RBFOX3: variants seen among roughly 807,000 people sequenced by gnomAD.
The protein encoded by RBFOX3 is RNA binding fox-1 homolog 3.
A neutral mutation model predicts 48.7 loss-of-function variants in RBFOX3; 17 were observed. That is an observed-to-expected ratio of 0.35 (90% CI 0.24 to 0.52). The LOEUF (loss-of-function observed/expected upper bound fraction) is 0.52, where lower values mean the gene tolerates loss of function less well. Among genes scored for constraint, RBFOX3 ranks in the 20% least tolerant of loss-of-function variants. The pLI is 0.94. For missense variants in RBFOX3, 382 were observed against 497.5 expected (o/e 0.77, Z 2.21); for synonymous variants, 212 against 209.5 (o/e 1.01, Z -0.10).
In RBFOX3 at chr17:79,242,022, G is replaced by A. The variant is rs1162416553; in HGVS notation, c.-73-6217C>T. Among the ~76,000 whole-genome samples, 3 of 152,238 alleles carry A rather than the reference G, an allele frequency of 2.0e-5. No individual in the cohort carries two copies. Among genetic ancestry groups the A allele is most frequent in the African/African-American group, 4.8e-5 (2 of 41,458 alleles). On this transcript the variant is annotated intron_variant, in intron 3 of 14. Transcript: ENST00000693108. This position sits in a 1 kb window ranked among gnomAD's most constrained non-coding sequence, Gnocchi z 5.8. Reference sequence around the variant, plus strand: ...TTAGTGCAGCACACACAGCTTCCACGTATTCACTCGATTCTTTGCTTTCTT... The same window carrying A: ...TTAGTGCAGCACACACAGCTTCCACATATTCACTCGATTCTTTGCTTTCTT...
intron 2 of RBFOX3, among the ~76,000 whole-genome samples, chr17:79,322,407 C>A (rs560183307): frequency 7.2e-4 from 109 of 152,296 alleles, no homozygotes; most frequent in African/African-American, 2.6e-3. Flanking sequence ...GGTGCCCAGG[C>A]AAGCTTCCAA....
At chr17:79,169,504 C>G (rs1272464802) in intron 4 of RBFOX3, among the ~76,000 whole-genome samples, 1 of 152,222 alleles carries the variant, frequency 6.6e-6, no homozygotes, top group Admixed American at 6.5e-5. Context: ...GACCCAGGAC[C>G]CCGCCTGCCT....
At chr17:79,615,400 C>T (rs1390182212), upstream of RBFOX3, among the ~76,000 whole-genome samples, 1 of 151,918 alleles carries the variant, frequency 6.6e-6, no homozygotes, top group East Asian at 1.9e-4. Context: ...ATCTAGTAAG[C>T]GGGCAGGGAT....
Position 79,106,642 on chromosome 17 carries a change from C to T in RBFOX3, c.360+9G>A. The stretch of plus-strand genomic sequence containing the variant: ...GGAGGGCAGGATGGGTGGGGCCGCG[C>T]ACACTCACCCCGAACATTTGCCGCA... On this transcript the variant is annotated intron_variant, in intron 6 of 14. Transcript: ENST00000693108. 6.9e-7 allele frequency: 1 copy of T among 1,459,336 alleles called. No homozygotes were observed. The highest frequency in any genetic ancestry group is 9.0e-7 in the Non-Finnish European group (1 of 1,110,130). 90.4% of individuals were successfully genotyped at this position (1,459,336 alleles called of 1,614,324 possible). A position where few individuals can be genotyped will look rare whatever the true frequency, so the allele number is the denominator to read the frequency against.
Position 79,343,512 on chromosome 17 carries a change from G to A in RBFOX3, c.-174-35688C>T, listed in dbSNP as rs146099069. ...AGCCTGGGAGACAGAGTGAGACTCG[G>A]TCTCAAAAGAAAAAACAAACAAACA... On this transcript the variant is annotated intron_variant, in intron 2 of 14. Transcript: ENST00000693108. Among the ~76,000 whole-genome samples, 155 of 152,146 alleles carry A rather than the reference G, an allele frequency of 1.0e-3. 1 individual carries two copies. The highest frequency in any genetic ancestry group is 1.7e-3 in the Non-Finnish European group (113 of 68,000).
chr17:79,354,096 G>A (rs921231558), intron 2 of RBFOX3, among the ~76,000 whole-genome samples: 2 of 152,124 alleles, frequency 1.3e-5, no homozygotes, highest in Non-Finnish European at 2.9e-5. Context: ...GACATGCACA[G>A]TCCCCCACTG....
At chr17:79,318,740 G>A (rs576021436) in intron 2 of RBFOX3, among the ~76,000 whole-genome samples, 9 of 150,806 alleles carry the variant, frequency 6.0e-5, no homozygotes, top group East Asian at 2.0e-4. Context: ...CTGCAGTCCC[G>A]GCTACTTGGA....
At chr17:79,444,573 C>T (rs2071844054) in intron 2 of RBFOX3, among the ~76,000 whole-genome samples, 1 of 152,072 alleles carries the variant, frequency 6.6e-6, no homozygotes, top group South Asian at 2.1e-4. Flanking sequence ...CCTCTGGGCA[C>T]CCAAGGCTAC....
intron 4 of RBFOX3, among the ~76,000 whole-genome samples, chr17:79,116,675 G>C (rs183781718): frequency 3.9e-5 from 6 of 152,374 alleles, no homozygotes; most frequent in Admixed American, 2.6e-4. Flanking sequence ...GGTGTGTCGG[G>C]GGGCAGGGAG....
rs541105334 is a variant in RBFOX3, at chr17:79,160,439, C to T, written c.-33-44691G>A. ...TGGATGGGGTCTCAATTATCCTGTA[C>T]GGCCAAGGCCTAAGTTCTAAGAGCT... On this transcript the variant is annotated intron_variant, in intron 4 of 14. Coordinates refer to ENST00000693108, the MANE Select transcript of RBFOX3 (RefSeq NM_001350451.2). 5.3e-5 allele frequency among the ~76,000 whole-genome samples: 8 copies of T among 152,320 alleles called. No individual in the cohort carries two copies. The East Asian group carries it at 5.8e-4, about 11-fold the overall frequency.
chr17:79,120,347 G>A (rs889889971), intron 4 of RBFOX3, among the ~76,000 whole-genome samples: 6 of 151,944 alleles, frequency 3.9e-5, no homozygotes, highest in African/African-American at 1.2e-4. Flanking sequence ...GGGTACATGG[G>A]TGGGCAGGTG....
At chr17:79,437,014 G>C (rs1371117949) in intron 2 of RBFOX3, among the ~76,000 whole-genome samples, 1 of 152,156 alleles carries the variant, frequency 6.6e-6, no homozygotes, top group Non-Finnish European at 1.5e-5. Flanking sequence ...AGAGAGTGGA[G>C]TCTCAACTGA....
chr17:79,316,686 C>G (rs2077585169), intron 2 of RBFOX3, among the ~76,000 whole-genome samples: 1 of 152,230 alleles, frequency 6.6e-6, no homozygotes, highest in South Asian at 2.1e-4. Context: ...GCCGAAATAG[C>G]AAACCTCATT....
chr17:79,389,715 G>A (rs2061090009), intron 2 of RBFOX3, among the ~76,000 whole-genome samples: 1 of 152,196 alleles, frequency 6.6e-6, no homozygotes, highest in Admixed American at 6.5e-5. Context: ...CGTTCCTGGG[G>A]AATGCCAGTA....
rs558895132 is a variant in RBFOX3, at chr17:79,242,756, C to G, written c.-73-6951G>C. Reference sequence around the variant, plus strand: ...CTTAGGTCTGTGGGAAGGGCCACCCCCTTACTGGGCCTCCACAGGGCAGCA... The same window carrying G: ...CTTAGGTCTGTGGGAAGGGCCACCCGCTTACTGGGCCTCCACAGGGCAGCA... On this transcript the variant is annotated intron_variant, in intron 3 of 14. Transcript: ENST00000693108. This position sits in a 1 kb window ranked among gnomAD's most constrained non-coding sequence, Gnocchi z 5.8. Among the ~76,000 whole-genome samples, 219 of 152,268 alleles carry G rather than the reference C, an allele frequency of 1.4e-3. 1 individual carries two copies. The highest frequency in any genetic ancestry group is 5.0e-3 in the African/African-American group (208 of 41,554).
intron 2 of RBFOX3, among the ~76,000 whole-genome samples, chr17:79,347,489 A>G (rs2146869784): frequency 6.6e-6 from 1 of 152,266 alleles, no homozygotes; most frequent in African/African-American, 2.4e-5. Flanking sequence ...ACATGTTAAC[A>G]ACTTAACATT....
At chr17:79,261,629 G>A (rs1002283464) in intron 3 of RBFOX3, among the ~76,000 whole-genome samples, 7 of 152,222 alleles carry the variant, frequency 4.6e-5, no homozygotes, top group Admixed American at 3.3e-4. Context: ...TTCTCACAAG[G>A]TCCCAGGTGA....
At chr17:79,350,643 C>G (rs1448660220) in intron 2 of RBFOX3, among the ~76,000 whole-genome samples, 1 of 152,200 alleles carries the variant, frequency 6.6e-6, no homozygotes, top group South Asian at 2.1e-4. Context: ...ATGCCTCTGT[C>G]CCTGAGAAAG....
At chr17:79,656,662 A>AGAGAGAC in the RBFOX3 span, among the ~76,000 whole-genome samples, 4 of 142,442 alleles carry the variant, frequency 2.8e-5, no homozygotes, top group African/African-American at 1.1e-4. Flanking sequence ...AAAGGAAGAG[A>AGAGAGAC]AGAAAGGAAA....
Sources: allele counts gnomAD v4.1 joint callset (sites outside exome capture counted in the v4.1 genomes callset), GRCh38; gene constraint gnomAD v4.1.1; non-coding constraint Gnocchi (gnomAD v3.1); transcripts MANE v1.5; gene names NCBI Gene and HGNC (gene_info 2026-07-23, HGNC 2026-07-21).